The following EMCN variants were observed in gnomAD, a reference collection of about 807,000 sequenced individuals.
EMCN encodes the protein endomucin.
In EMCN, 37 loss-of-function variants were observed where a neutral mutation model predicts 38.4. The observed-to-expected ratio is 0.96, with a 90% confidence interval of 0.74 to 1.27. The LOEUF (loss-of-function observed/expected upper bound fraction) is 1.27, where lower values mean the gene tolerates loss of function less well. EMCN is among the 50% of genes most tolerant of loss of function. The pLI is 0.00. For missense variants in EMCN, 318 were observed against 302.8 expected (o/e 1.05, Z -0.37); for synonymous variants, 95 against 100.8 (o/e 0.94, Z 0.35).
At chr4:100,466,260 A>C (rs763165888) in intron 3 of EMCN, among the ~76,000 whole-genome samples, 3 of 152,228 alleles carry the variant, frequency 2.0e-5, no homozygotes, top group Non-Finnish European at 4.4e-5. Flanking sequence ...AAGAAAATGC[A>C]GACATGCCAT....
intron 10 of EMCN, among the ~76,000 whole-genome samples, chr4:100,413,677 G>GT (rs1316422689): frequency 6.6e-6 from 1 of 152,152 alleles, no homozygotes; most frequent in Non-Finnish European, 1.5e-5. Context: ...ATCAATTTCA[G>GT]TGTTGCCTTA....
rs1268663955 is a variant in EMCN, at chr4:100,412,129, C to G, written c.752-1774G>C. On this transcript the variant is annotated intron_variant, in intron 10 of 11. Coordinates refer to ENST00000296420, the MANE Select transcript of EMCN (RefSeq NM_016242.4). ...ACATGACAAAGGAGAGCAAGAGACT[C>G]TCTCTTCCTTCTAGAAAGCTGGGTT... is the stretch of plus-strand genomic sequence containing the variant. Among the ~76,000 whole-genome samples the G allele has an allele frequency of 9.2e-5, 14 of 152,262 alleles. No individual in the cohort carries two copies. The South Asian group carries it at 2.7e-3, about 29-fold the overall frequency.
intron 5 of EMCN, 104 bp from the exon 6 acceptor site, chr4:100,423,508 CTATT>C (rs1227268675): frequency 2.7e-6 from 2 of 754,700 alleles, no homozygotes; most frequent in Admixed American, 2.0e-5. Flanking sequence ...TCTGTGAAAA[CTATT>C]TATTGTCAAA....
chr4:100,502,443 T>C (rs557099234), intron 1 of EMCN, among the ~76,000 whole-genome samples: 9 of 152,342 alleles, frequency 5.9e-5, no homozygotes, highest in African/African-American at 2.2e-4. Flanking sequence ...CTGCTTTTAA[T>C]TAAAGGAAAT....
At chr4:100,466,852 A>T (rs565881758) in intron 3 of EMCN, among the ~76,000 whole-genome samples, 1 of 152,308 alleles carries the variant, frequency 6.6e-6, no homozygotes, top group South Asian at 2.1e-4. Flanking sequence ...GAAAGATCAG[A>T]ACAGGAGTTT....
intron 2 of EMCN, among the ~76,000 whole-genome samples, chr4:100,477,621 AGACCAATGATCTTTT>A (rs1429478290): frequency 3.3e-5 from 5 of 152,254 alleles, no homozygotes; most frequent in Non-Finnish European, 7.3e-5. Flanking sequence ...AAGCACTACT[AGACCAATGATCTTTT>A]GACCTTTAAA....
chr4:100,509,041 T>C (rs1255073372), intron 1 of EMCN, among the ~76,000 whole-genome samples: 1 of 152,178 alleles, frequency 6.6e-6, no homozygotes, highest in Non-Finnish European at 1.5e-5. Flanking sequence ...TCAACTCTTC[T>C]GACTTTTGAA....
At chr4:100,496,157 A>C (rs1245362822) in intron 1 of EMCN, among the ~76,000 whole-genome samples, 2 of 152,128 alleles carry the variant, frequency 1.3e-5, no homozygotes, top group African/African-American at 2.4e-5. Flanking sequence ...GTCACTTTAA[A>C]ATCTGGGAAT....
chr4:100,420,105 C>A (rs2043349), intron 8 of EMCN, among the ~76,000 whole-genome samples: 21,080 of 151,874 alleles, frequency 0.14, 1,710 homozygotes, highest in African/African-American at 0.21. Flanking sequence ...TTTACTGTAC[C>A]TTTAAAAATG....
At chr4:100,448,535 A>G (rs1434533568) in intron 4 of EMCN, among the ~76,000 whole-genome samples, 1 of 152,090 alleles carries the variant, frequency 6.6e-6, no homozygotes, top group East Asian at 1.9e-4. Context: ...CACCCTTATC[A>G]GCTCTAGTTT....
intron 10 of EMCN, among the ~76,000 whole-genome samples, chr4:100,415,642 T>C (rs1018049591): frequency 4.0e-5 from 6 of 151,504 alleles, no homozygotes; most frequent in Admixed American, 3.9e-4. Flanking sequence ...TCCTGCAGAA[T>C]AGGAAATGCC....
intron 5 of EMCN, among the ~76,000 whole-genome samples, chr4:100,440,458 T>C (rs536187494): frequency 1.3e-5 from 2 of 152,264 alleles, no homozygotes; most frequent in South Asian, 4.1e-4. Context: ...TACTCATAGC[T>C]TAGCTCCCAC....
intron 5 of EMCN, 143 bp downstream of exon 5, chr4:100,447,390 T>G (rs1727702231): frequency 3.2e-6 from 2 of 633,714 alleles, no homozygotes; most frequent in Admixed American, 2.9e-5. Context: ...TAAACTCAAG[T>G]TTTTCTAAAC....
chr4:100,515,991 G>A (rs1365097420), intron 1 of EMCN, among the ~76,000 whole-genome samples: 1 of 128,688 alleles, frequency 7.8e-6, no homozygotes, highest in Non-Finnish European at 1.7e-5. Context: ...GACAAATGGA[G>A]TAGGTTTGGT....
rs954059438 is a variant in EMCN, at chr4:100,446,398, T to C, written c.415+1135A>G. On this transcript the variant is annotated intron_variant, in intron 5 of 11. Coordinates refer to ENST00000296420, the MANE Select transcript of EMCN (RefSeq NM_016242.4). ...AGATAATTATTAAAAGTTAAAAGCA[T>C]AATAATTTGATTCAAATTCCTTGAA... is the stretch of plus-strand genomic sequence containing the variant. Among the ~76,000 whole-genome samples, 25 of 152,126 alleles carry C rather than the reference T, an allele frequency of 1.6e-4. 1 individual carries two copies. The highest frequency in any genetic ancestry group is 3.2e-3 in the Middle Eastern group (1 of 316).
intron 1 of EMCN, among the ~76,000 whole-genome samples, chr4:100,515,254 T>C (rs1287578189): frequency 6.6e-6 from 1 of 152,108 alleles, no homozygotes; most frequent in Non-Finnish European, 1.5e-5. Flanking sequence ...CTCTCAGCCC[T>C]GAAAGTCAAA....
At chr4:100,506,819 C>T (rs922828781) in intron 1 of EMCN, among the ~76,000 whole-genome samples, 8 of 152,202 alleles carry the variant, frequency 5.3e-5, no homozygotes, top group East Asian at 1.9e-4. Flanking sequence ...CATTAAGTAA[C>T]GGTAAGCTAA....
intron 5 of EMCN, among the ~76,000 whole-genome samples, chr4:100,434,938 T>A (rs976894461): frequency 6.6e-6 from 1 of 152,126 alleles, no homozygotes; most frequent in African/African-American, 2.4e-5. Flanking sequence ...GGGCAAAACC[T>A]GGAAGCATTC....
At chr4:100,469,954 A>G (rs1190121136) in intron 3 of EMCN, among the ~76,000 whole-genome samples, 6 of 152,004 alleles carry the variant, frequency 3.9e-5, no homozygotes, top group African/African-American at 1.4e-4. Flanking sequence ...TTAGTTTAAT[A>G]GACAATACCA....
Sources: allele counts gnomAD v4.1 joint callset (sites outside exome capture counted in the v4.1 genomes callset), GRCh38; gene constraint gnomAD v4.1.1; transcripts MANE v1.5; gene names NCBI Gene and HGNC (gene_info 2026-07-23, HGNC 2026-07-21).